Variants in EXD2 observed in about 807,000 individuals in gnomAD.
EXD2 encodes the protein exonuclease 3'-5' domain-containing protein 2.
In EXD2, 40 loss-of-function variants were observed where a neutral mutation model predicts 62.5. The observed-to-expected ratio is 0.64, with a 90% CI of 0.50 to 0.83. The LOEUF (loss-of-function observed/expected upper bound fraction) is 0.83. Ranked by LOEUF, EXD2 falls within the 40% of genes least tolerant of loss-of-function variation. EXD2 has a pLI of 0.00. For synonymous variants in EXD2, 239 were observed against 291.9 expected (o/e 0.82, Z 1.85); for missense variants, 671 against 761.8 (o/e 0.88, Z 1.40).
At chr14:69,211,730 G>A (rs2042810803) in intron 3 of EXD2, among the ~76,000 whole-genome samples, 1 of 152,126 alleles carries the variant, frequency 6.6e-6, no homozygotes, top group African/African-American at 2.4e-5. Context: ...TAGGGTTTAA[G>A]TGGTAAGCTC....
In EXD2 at chr14:69,209,435, A is replaced by G. The variant is rs2042728900; in HGVS notation, c.-36A>G. 4 of 1,433,006 alleles carry G rather than the reference A, an allele frequency of 2.8e-6. No homozygotes were observed. The highest frequency in any genetic ancestry group is 2.8e-6 in the Non-Finnish European group (3 of 1,081,610). The allele number at this position is 1,433,006 out of a possible 1,614,324, so 88.8% of individuals were successfully genotyped here. A position where few individuals can be genotyped will look rare whatever the true frequency, so the allele number is the denominator to read the frequency against. On this transcript the variant is annotated 5_prime_UTR_variant, in exon 3 of 10. Coordinates refer to ENST00000685843, the MANE Select transcript of EXD2 (RefSeq NM_001193360.2). ...CATTTGTTTTGCAGATTGTGGGATT[A>G]GTGATATGCTTTTCTAAAGAGTAGA...
intron 3 of EXD2, among the ~76,000 whole-genome samples, chr14:69,221,352 T>C (rs951807200): frequency 6.6e-6 from 1 of 152,252 alleles, no homozygotes; most frequent in Non-Finnish European, 1.5e-5. Context: ...TTTTGAATTA[T>C]GGATACAATT....
chr14:69,224,622 T>C (rs1302252274), intron 3 of EXD2, among the ~76,000 whole-genome samples: 1 of 151,754 alleles, frequency 6.6e-6, no homozygotes, highest in East Asian at 1.9e-4. Context: ...GTCACCAAAA[T>C]ATTTTTTTTA....
intron 1 of EXD2, among the ~76,000 whole-genome samples, chr14:69,202,160 T>A (rs1797871374): frequency 1.3e-5 from 2 of 151,942 alleles, no homozygotes; most frequent in South Asian, 4.1e-4. Context: ...GTGTTGGAGC[T>A]CAGGAGTTTG....
At chr14:69,236,926 T>G (rs1411159011) in intron 8 of EXD2, among the ~76,000 whole-genome samples, 1 of 152,216 alleles carries the variant, frequency 6.6e-6, no homozygotes, top group Non-Finnish European at 1.5e-5. Context: ...TCCTGAAGCC[T>G]GCTCTGTGTT....
At position 69,243,030 on chromosome 14, in the gene EXD2, CAT is replaced by C. The variant is rs2044020062; in HGVS notation, c.*1931_*1932del. ...TAAGGTGCTAGGGAAAGGGTTTTCC[CAT>C]GGAGCTTTCTGTGAGGCGCAGTAAA... is the stretch of plus-strand genomic sequence containing the variant. On this transcript the variant is annotated 3_prime_UTR_variant, in exon 10 of 10. Transcript: ENST00000685843. 6.6e-6 allele frequency: 1 copy of C among 152,118 alleles called. No homozygotes were observed. The allele number at this position is 152,118 out of a possible 1,614,324, so 9.4% of individuals were successfully genotyped here.
In EXD2 at chr14:69,242,624, G is replaced by A. The variant is rs1188037209; in HGVS notation, c.*1524G>A. On this transcript the variant is annotated 3_prime_UTR_variant, in exon 10 of 10. Transcript: ENST00000685843. ...AACTAGAAATCCTTGAAAACAAATAGTACCAGCCACTTTGAGGAATGTGCA... is the reference window on the plus strand; with the variant it reads ...AACTAGAAATCCTTGAAAACAAATAATACCAGCCACTTTGAGGAATGTGCA... 6.6e-6 allele frequency: 1 copy of A among 152,190 alleles called. No homozygotes were observed. The highest frequency in any genetic ancestry group is 6.5e-5 in the Admixed American group (1 of 15,286). The allele number at this position is 152,190 out of a possible 1,614,324, so 9.4% of individuals were successfully genotyped here.
rs1240341286 is a variant in EXD2 at position 69,227,927 on chromosome 14, A to G, written c.334-889A>G. The G allele has an allele frequency of 3.3e-5, 5 of 151,394 alleles. No individual in the cohort carries two copies. In the East Asian group the frequency reaches 9.7e-4, roughly 29 times the overall value. The allele number at this position is 151,394 out of a possible 1,614,324, so 9.4% of individuals were successfully genotyped here. ...AGGCCCTAACTTATGCTCAATATAC[A>G]TTTTTTTTTCTTTTTATGAAAGCCA... On this transcript the variant is annotated intron_variant, in intron 3 of 9. Transcript: ENST00000685843.
chr14:69,216,566 A>G (rs1042437591), intron 3 of EXD2, among the ~76,000 whole-genome samples: 2 of 151,996 alleles, frequency 1.3e-5, no homozygotes, highest in African/African-American at 4.8e-5. Context: ...TAGCTGGGAC[A>G]ATAGGTGCCT....
intron 6 of EXD2, chr14:69,235,823 G>T (rs781293433): frequency 9.1e-6 from 5 of 549,050 alleles, no homozygotes; most frequent in African/African-American, 1.9e-5. Context: ...GTCCATAAGT[G>T]TAAAAACTAG....
intron 3 of EXD2, among the ~76,000 whole-genome samples, chr14:69,218,032 T>G (rs1204469180): frequency 6.6e-6 from 1 of 152,222 alleles, no homozygotes; most frequent in Non-Finnish European, 1.5e-5. Flanking sequence ...TGATTTATAA[T>G]CCTTTGGGTA....
Position 69,242,184 on chromosome 14 carries a change from A to C in EXD2, c.*1084A>C. On this transcript the variant is annotated 3_prime_UTR_variant, in exon 10 of 10. Transcript: ENST00000685843. ...ATTACTTTGAGTATAAAATCGACTT[A>C]TTAATGATTAGTAATTTTTCTAAAG... is the stretch of plus-strand genomic sequence containing the variant. 2.5e-6 allele frequency: 1 copy of C among 397,242 alleles called. No individual in the cohort carries two copies. Among genetic ancestry groups the C allele is most frequent in the Non-Finnish European group, 4.4e-6 (1 of 225,734 alleles). The allele number at this position is 397,242 out of a possible 1,614,324, so 24.6% of individuals were successfully genotyped here. A position where few individuals can be genotyped will look rare whatever the true frequency, so the allele number is the denominator to read the frequency against.
intron 1 of EXD2, among the ~76,000 whole-genome samples, chr14:69,193,066 T>C (rs1275004685): frequency 6.6e-6 from 1 of 151,242 alleles, no homozygotes; most frequent in Non-Finnish European, 1.5e-5. Flanking sequence ...CTCTCTTTTT[T>C]TTTTTTTTTT....
intron 3 of EXD2, among the ~76,000 whole-genome samples, chr14:69,216,402 C>A (rs1208681767): frequency 6.6e-6 from 1 of 152,144 alleles, no homozygotes; most frequent in Non-Finnish European, 1.5e-5. Context: ...TGTTCTTTTT[C>A]CACAATATCT....
rs564134947 is a variant in EXD2, at chr14:69,220,913, T to A, written c.334-7903T>A. 4.6e-5 allele frequency among the ~76,000 whole-genome samples: 7 copies of A among 152,230 alleles called. No individual in the cohort carries two copies. In the East Asian group the frequency reaches 1.4e-3, roughly 30 times the overall value. ...AGATAGAGTTGTCCTTTTGCCCAGG[T>A]TGGAGTGCAGTGTCTCAGTCATAGC... On this transcript the variant is annotated intron_variant, in intron 3 of 9. Transcript: ENST00000685843.
intron 3 of EXD2, among the ~76,000 whole-genome samples, chr14:69,217,313 C>G (rs978318787): frequency 2.0e-5 from 3 of 152,160 alleles, no homozygotes; most frequent in Non-Finnish European, 4.4e-5. Context: ...CCTCAGCCTC[C>G]CGAGTAGCTG....
intron 5 of EXD2, among the ~76,000 whole-genome samples, chr14:69,233,825 G>T (rs941671546): frequency 3.3e-5 from 5 of 150,418 alleles, no homozygotes; most frequent in Admixed American, 3.3e-4. Flanking sequence ...GAGTGCAGTG[G>T]CACGGTCTCA....
At chr14:69,215,734 T>C (rs1330985562) in intron 3 of EXD2, among the ~76,000 whole-genome samples, 6 of 152,224 alleles carry the variant, frequency 3.9e-5, no homozygotes, top group Non-Finnish European at 5.9e-5. Context: ...AGATTACTAA[T>C]GAAATTGAAC....
rs184557919 is a variant in EXD2 at position 69,217,621 on chromosome 14, T to A, written c.333+7818T>A. Among the ~76,000 whole-genome samples the A allele has an allele frequency of 2.4e-3, 359 of 152,252 alleles. 2 individuals are homozygous for A. Among genetic ancestry groups the A allele is most frequent in the Non-Finnish European group, 2.8e-3 (188 of 68,014 alleles). Reference sequence around the variant, plus strand: ...TTGTTACATATGTATACTTGTGCCATGTTGGTGTGCTGCACCCATTAACTC... The same window carrying A: ...TTGTTACATATGTATACTTGTGCCAAGTTGGTGTGCTGCACCCATTAACTC... On this transcript the variant is annotated intron_variant, in intron 3 of 9. Transcript: ENST00000685843.
Sources: gnomAD v4.1 joint callset for allele counts (sites outside exome capture counted in the v4.1 genomes callset) on GRCh38, gnomAD v4.1.1 for gene constraint, MANE v1.5 for transcripts, NCBI Gene and HGNC (gene_info 2026-07-23, HGNC 2026-07-21) for gene names.